Variants in PHOX2B observed in about 807,000 individuals in gnomAD.
PHOX2B encodes the protein paired mesoderm homeobox protein 2B.
Under a neutral mutation model 15.5 loss-of-function variants are expected in PHOX2B, and 1 was observed. The ratio of observed to expected loss-of-function variants is 0.06; its 90% CI spans 0.02 to 0.31. The LOEUF is 0.31. Among genes scored for constraint, PHOX2B ranks in the 10% least tolerant of loss-of-function variants. The pLI is 1.00. For synonymous variants in PHOX2B, 206 were observed against 190.5 expected (o/e 1.08, Z -0.67); for missense variants, 314 against 436.4 (o/e 0.72, Z 2.50).
chr4:41,747,724 A>G lies in PHOX2B; in HGVS notation c.242-188T>C, dbSNP rs1195019383. ...TTGTTATCTGCGGAAACCTGGGCTC[A>G]AACTTCGGGCTTGGCGGAGTCCTTT... On this transcript the variant is annotated intron_variant, in intron 1 of 2. Coordinates refer to ENST00000226382, the MANE Select transcript of PHOX2B (RefSeq NM_003924.4). The G allele has an allele frequency of 5.7e-6, 4 of 703,882 alleles. No individual in the cohort carries two copies. The Admixed American group carries it at 6.0e-5, about 11-fold the overall frequency. The allele number at this position is 703,882 out of a possible 1,614,324, so 43.6% of individuals were successfully genotyped here.
At chr4:41,746,858 G>T (rs1271444999) in intron 2 of PHOX2B, among the ~76,000 whole-genome samples, 1 of 152,268 alleles carries the variant, frequency 6.6e-6, no homozygotes, top group Non-Finnish European at 1.5e-5. Flanking sequence ...TGTTTAACAG[G>T]TTGGAGTAAG....
At position 41,745,833 on chromosome 4, in the gene PHOX2B, C is replaced by T. The variant is rs780578509; in HGVS notation, c.919G>A (p.Ala307Thr). The change falls in exon 3 of 3, where the codon GCC becomes ACC. Residue 307 changes from alanine to threonine, a missense_variant. Ala to Thr is a moderately conservative substitution (Grantham distance 58). Transcript: ENST00000226382. This position sits in a 1 kb window ranked among gnomAD's most constrained non-coding sequence, Gnocchi z 4.0. ...CAGAACATACTGCTCTTCACTAAGG[C>T]GGCTTTGGCACCGTTGGGTCTTTGG... ...SLQRPNGAKA[A>T]LVKSSMF 1.2e-6 allele frequency: 2 copies of T among 1,609,490 alleles called. No homozygotes were observed. Among genetic ancestry groups the T allele is most frequent in the Non-Finnish European group, 1.7e-6 (2 of 1,177,982 alleles).
At position 41,745,470 on chromosome 4, in the gene PHOX2B, A is replaced by C; in HGVS notation, c.*337T>G. Reference sequence around the variant, plus strand: ...GAGACAGACACAAACTGACACGCAGACACAGCCCCCTGAGAGTGCCCCGCG... The same window carrying C: ...GAGACAGACACAAACTGACACGCAGCCACAGCCCCCTGAGAGTGCCCCGCG... On this transcript the variant is annotated 3_prime_UTR_variant, in exon 3 of 3. Coordinates refer to ENST00000226382, the MANE Select transcript of PHOX2B (RefSeq NM_003924.4). The surrounding 1 kb of genome is among the most constrained non-coding windows in gnomAD (Gnocchi z 4.0). 1.0e-5 allele frequency: 3 copies of C among 299,184 alleles called. No homozygotes were observed. Among genetic ancestry groups the C allele is most frequent in the Non-Finnish European group, 6.2e-6 (1 of 160,252 alleles). 18.5% of individuals were successfully genotyped at this position (299,184 alleles called of 1,614,324 possible).
chr4:41,748,333 G>A, intron 1 of PHOX2B, 37 bp downstream of exon 1: 1 of 1,611,740 alleles, frequency 6.2e-7, no homozygotes, highest in South Asian at 1.1e-5. Context: ...CGGGCGGAAA[G>A]GCGGCTTCCT....
intron 2 of PHOX2B, among the ~76,000 whole-genome samples, chr4:41,746,886 C>T (rs1733917724): frequency 6.6e-6 from 1 of 152,066 alleles, no homozygotes; most frequent in African/African-American, 2.4e-5. Context: ...TCTTGACCTT[C>T]ATGAAGTCAC....
intron 1 of PHOX2B, 41 bp from the exon 2 acceptor site, chr4:41,747,577 C>G (rs778227409): frequency 1.9e-6 from 3 of 1,552,728 alleles, no homozygotes; most frequent in Non-Finnish European, 2.6e-6. Flanking sequence ...GCAAATCAGC[C>G]GGCAGCTCGC....
chr4:41,745,462 A>G lies in PHOX2B; in HGVS notation c.*345T>C. 3.5e-6 allele frequency: 1 copy of G among 285,732 alleles called. No homozygotes were observed. Among genetic ancestry groups the G allele is most frequent in the Non-Finnish European group, 6.6e-6 (1 of 152,020 alleles). The allele number at this position is 285,732 out of a possible 1,614,324, so 17.7% of individuals were successfully genotyped here. A position where few individuals can be genotyped will look rare whatever the true frequency, so the allele number is the denominator to read the frequency against. On this transcript the variant is annotated 3_prime_UTR_variant, in exon 3 of 3. Coordinates refer to ENST00000226382, the MANE Select transcript of PHOX2B (RefSeq NM_003924.4). The surrounding 1 kb of genome is among the most constrained non-coding windows in gnomAD (Gnocchi z 4.0). ...CATTCCCCGAGACAGACACAAACTGACACGCAGACACAGCCCCCTGAGAGT... is the reference window on the plus strand; with the variant it reads ...CATTCCCCGAGACAGACACAAACTGGCACGCAGACACAGCCCCCTGAGAGT...
rs138545772 is a variant in PHOX2B, at chr4:41,745,920, C to T, written c.832G>A (p.Gly278Ser). The change falls in exon 3 of 3, where the codon GGC (glycine) becomes AGC (serine). Residue 278 changes from glycine to serine, a missense_variant. Transcript: ENST00000226382. The surrounding 1 kb of genome is among the most constrained non-coding windows in gnomAD (Gnocchi z 4.0). Reference sequence around the variant, plus strand: ...GAATCCGGGATGGAGGTGATGGGGCCGGGGCCGGGAGCCCAGCCTTGTCCA... The same window carrying T: ...GAATCCGGGATGGAGGTGATGGGGCTGGGGCCGGGAGCCCAGCCTTGTCCA... ...GPGQGWAPGP[G>S]PITSIPDSLG... 210 of 1,601,192 alleles carry T rather than the reference C, an allele frequency of 1.3e-4. No homozygotes were observed. In the African/African-American group the frequency reaches 2.6e-3, roughly 20 times the overall value.
rs913518069 is a variant in PHOX2B at position 41,745,546 on chromosome 4, C to A, written c.*261G>T. ...CGATCAGCAGGCGGAGCCCTGGCCC[C>A]GCTGCGAGGCCCCAGGCAGGTGCGA... is the stretch of plus-strand genomic sequence containing the variant. On this transcript the variant is annotated 3_prime_UTR_variant, in exon 3 of 3. Transcript: ENST00000226382. The surrounding 1 kb of genome is among the most constrained non-coding windows in gnomAD (Gnocchi z 4.0). 3.2e-5 allele frequency: 14 copies of A among 438,336 alleles called. No homozygotes were observed. Among genetic ancestry groups the A allele is most frequent in the East Asian group, 4.4e-5 (1 of 22,840 alleles). The allele number at this position is 438,336 out of a possible 1,614,324, so 27.2% of individuals were successfully genotyped here.
At chr4:41,748,188 G>A (rs1258843477) in intron 1 of PHOX2B, 182 bp downstream of exon 1, 9 of 670,976 alleles carry the variant, frequency 1.3e-5, no homozygotes, top group Non-Finnish European at 1.5e-5. Flanking sequence ...CTAGGATAGT[G>A]TAACCCTGTA....
intron 1 of PHOX2B, 49 bp downstream of exon 1, chr4:41,748,321 T>G (rs561455489): frequency 6.2e-7 from 1 of 1,607,624 alleles, no homozygotes; most frequent in Non-Finnish European, 8.5e-7. Flanking sequence ...GCTTCCTATA[T>G]ACGGGCGGAA....
Position 41,746,010 on chromosome 4 carries a change from C to CT in PHOX2B, c.741_742insA (p.Ala248SerfsTer112). The CT allele has an allele frequency of 8.9e-7, 1 of 1,123,318 alleles. No homozygotes were observed. The highest frequency in any genetic ancestry group is 1.1e-6 in the Non-Finnish European group (1 of 918,896). 69.6% of individuals were successfully genotyped at this position (1,123,318 alleles called of 1,614,324 possible). Reference sequence around the variant, plus strand: ...GCCGCTGCCGCCGCCGCCGCTGCCGCGGCCGCCGCCGCTGCTGCTGCGCCG... The same window carrying CT: ...GCCGCTGCCGCCGCCGCCGCTGCCGCTGGCCGCCGCCGCTGCTGCTGCGCCG... On this transcript the variant is annotated frameshift_variant, in exon 3 of 3. Transcript: ENST00000226382. LOFTEE classifies it high-confidence loss of function.
intron 1 of PHOX2B, 68 bp from the exon 2 acceptor site, chr4:41,747,604 A>G: frequency 7.5e-7 from 1 of 1,327,456 alleles, no homozygotes; most frequent in Non-Finnish European, 1.1e-6. Context: ...TGGAGCTAGA[A>G]TGTGAGGACT....
chr4:41,746,937 A>G (rs1290476105), intron 2 of PHOX2B, among the ~76,000 whole-genome samples: 2 of 152,208 alleles, frequency 1.3e-5, no homozygotes, highest in African/African-American at 4.8e-5. Context: ...GTTTCCGGGA[A>G]AATGAACCTA....
At chr4:41,746,575 C>A (rs916415568) in intron 2 of PHOX2B, among the ~76,000 whole-genome samples, 1 of 152,114 alleles carries the variant, frequency 6.6e-6, no homozygotes, top group Non-Finnish European at 1.5e-5. Flanking sequence ...TTTAAAAAGC[C>A]GCAGGTCCCA....
rs1218153477 is a variant in PHOX2B, at chr4:41,747,493, C to T, written c.285G>A (p.Lys95=). Residue 95 remains lysine (K), a synonymous_variant, in exon 2 of 3, where the codon AAG becomes AAA. Transcript: ENST00000226382. ...LFTDHGGLNE[K]RKQRRIRTTF... Reference sequence around the variant, plus strand: ...TGGTGCGGATGCGCCGCTGCTTGCGCTTCTCGTTGAGGCCGCCGTGGTCCG... The same window carrying T: ...TGGTGCGGATGCGCCGCTGCTTGCGTTTCTCGTTGAGGCCGCCGTGGTCCG... The T allele has an allele frequency of 6.2e-7, 1 of 1,610,802 alleles. No homozygotes were observed. The highest frequency in any genetic ancestry group is 1.7e-5 in the Admixed American group (1 of 60,016).
intron 2 of PHOX2B, 31 bp downstream of exon 2, chr4:41,747,318 C>G (rs200756467): frequency 2.5e-6 from 4 of 1,577,424 alleles, no homozygotes; most frequent in Non-Finnish European, 3.5e-6. Flanking sequence ...ACCAGTGCGG[C>G]GGAGCGGGGT....
rs1553898065 is a variant in PHOX2B, at chr4:41,747,537, C to CTAGA, written c.242-5_242-2dup. ...TGGTCCGTGAAGAGTTTGTAAGGAA[C>CTAGA]TAGAGTATGACAGAGGAGACAGAAA... On this transcript the variant is annotated splice_acceptor_variant, in intron 1 of 2. Transcript: ENST00000226382. LOFTEE classifies it high-confidence loss of function. The CTAGA allele has an allele frequency of 1.3e-5, 21 of 1,605,692 alleles. No individual in the cohort carries two copies. The highest frequency in any genetic ancestry group is 1.6e-5 in the Non-Finnish European group (19 of 1,179,592).
In PHOX2B at chr4:41,746,054, C is replaced by T; in HGVS notation, c.698G>A (p.Gly233Glu). The T allele has an allele frequency of 7.5e-7, 1 of 1,338,330 alleles. No homozygotes were observed. The highest frequency in any genetic ancestry group is 9.5e-7 in the Non-Finnish European group (1 of 1,052,994). 82.9% of individuals were successfully genotyped at this position (1,338,330 alleles called of 1,614,324 possible). ...TGCGCCGCCCTTGCCGGGTTCGCCT[C>T]CCGGGCCCCCGGGCCCCGCCGCCCC... ...APGAAGPGGP[G>E]GEPGKGGAAA... The change falls in exon 3 of 3, where the codon GGA becomes GAA. Residue 233 changes from glycine (G) to glutamate (E), a missense_variant. Physicochemically the swap from Gly to Glu is moderately conservative, Grantham distance 98. Around this residue, in one of 7 missense-constraint regions of PHOX2B, gnomAD observed 157 missense variants for 169.0 expected, o/e 0.93. Transcript: ENST00000226382.
Sources: allele counts gnomAD v4.1 joint callset (sites outside exome capture counted in the v4.1 genomes callset), GRCh38; gene constraint gnomAD v4.1.1; regional missense constraint gnomAD v4.1.1; non-coding constraint Gnocchi (gnomAD v3.1); transcripts MANE v1.5; gene names NCBI Gene and HGNC (gene_info 2026-07-23, HGNC 2026-07-21).